ATP2B2: variants seen among roughly 807,000 people sequenced by gnomAD.
ATP2B2 encodes the protein plasma membrane calcium-transporting ATPase 2.
ATP2B2 carries 15 observed loss-of-function variants against 120.0 expected under a neutral mutation model. The observed-to-expected ratio is 0.12, with a 90% CI of 0.08 to 0.19. The LOEUF (loss-of-function observed/expected upper bound fraction) is 0.19, where lower values mean the gene tolerates loss of function less well. ATP2B2 is among the 10% of genes least tolerant of loss of function. The probability of loss-of-function intolerance (pLI) is 1.00; values close to 1 mark genes in which losing one functional copy is unlikely to be tolerated. For synonymous variants in ATP2B2, 694 were observed against 700.3 expected (o/e 0.99, Z 0.14); for missense variants, 1,045 against 1,719.8 (o/e 0.61, Z 6.94).
chr3:10,504,562 ACC>A (rs5846667), intron 1 of ATP2B2, among the ~76,000 whole-genome samples: 20 of 149,172 alleles, frequency 1.3e-4, no homozygotes, highest in African/African-American at 4.7e-4. Context: ...AGTCCAGAGC[ACC>A]CCCCCAACCC....
At chr3:10,605,369 C>G (rs537663438) in intron 2 of ATP2B2, among the ~76,000 whole-genome samples, 1 of 152,302 alleles carries the variant, frequency 6.6e-6, no homozygotes, top group African/African-American at 2.4e-5. Context: ...GAGGCTGGAG[C>G]CCAGGGTCTG....
chr3:10,637,902 A>C (rs188414140), intron 1 of ATP2B2, among the ~76,000 whole-genome samples: 1 of 151,542 alleles, frequency 6.6e-6, no homozygotes, highest in Non-Finnish European at 1.5e-5. Context: ...AGCAGCCAGA[A>C]AAAAAAAAGC....
At position 10,622,810 on chromosome 3, in the gene ATP2B2, A is replaced by T. The variant is rs543543621; in HGVS notation, c.-459-2849T>A. On this transcript the variant is annotated intron_variant, in intron 1 of 21. Coordinates refer to the ATP2B2 transcript ENST00000646379. Reference sequence around the variant, plus strand: ...AGAAGAGCAGGATGCCCGTGGGATTATCCATGACTCAGGTGGGCCTAATTT... The same window carrying T: ...AGAAGAGCAGGATGCCCGTGGGATTTTCCATGACTCAGGTGGGCCTAATTT... Among the ~76,000 whole-genome samples, 4 of 152,336 alleles carry T rather than the reference A, an allele frequency of 2.6e-5. No homozygotes were observed. The East Asian group carries it at 7.7e-4, about 29-fold the overall frequency.
intron 1 of ATP2B2, among the ~76,000 whole-genome samples, chr3:10,690,169 C>A (rs1197121370): frequency 6.6e-6 from 1 of 152,240 alleles, no homozygotes; most frequent in Non-Finnish European, 1.5e-5. Flanking sequence ...AAAGCCACAG[C>A]TACAACTTTG....
rs573683986 is a variant in ATP2B2, at chr3:10,668,080, C to T, written c.-460+39835G>A. 4.6e-5 allele frequency among the ~76,000 whole-genome samples: 7 copies of T among 152,334 alleles called. No individual in the cohort carries two copies. The East Asian group carries it at 1.3e-3, about 29-fold the overall frequency. On this transcript the variant is annotated intron_variant, in intron 1 of 21. Coordinates refer to the ATP2B2 transcript ENST00000646379. ...CCTGGCTTCCGACCTCCTGGTGCCG[C>T]GTGACCTTAGGCACATGGCCTGTGG...
At chr3:10,385,361 G>T in intron 7 of ATP2B2, 34 bp from the exon 8 acceptor site, 1 of 1,597,264 alleles carries the variant, frequency 6.3e-7, no homozygotes, top group Non-Finnish European at 8.6e-7. Context: ...AAAATGCAGT[G>T]TCACAATGGA....
intron 2 of ATP2B2, among the ~76,000 whole-genome samples, chr3:10,590,329 G>T (rs763487505): frequency 6.6e-6 from 1 of 152,238 alleles, no homozygotes; most frequent in Non-Finnish European, 1.5e-5. Flanking sequence ...ACTGCTCTGT[G>T]CCTTGATTAG....
At chr3:10,555,246 C>A (rs1365032694) in intron 2 of ATP2B2, among the ~76,000 whole-genome samples, 1 of 152,264 alleles carries the variant, frequency 6.6e-6, no homozygotes, top group African/African-American at 2.4e-5. Context: ...CTGTGTTTCA[C>A]AGCAACTGGC....
At chr3:10,492,071 T>C (rs1406568984) in intron 1 of ATP2B2, among the ~76,000 whole-genome samples, 1 of 152,256 alleles carries the variant, frequency 6.6e-6, no homozygotes, top group African/African-American at 2.4e-5. Context: ...ATTCCATTTG[T>C]TGCGACAAGC....
chr3:10,607,590 A>G lies in ATP2B2; in HGVS notation c.-415+12327T>C, dbSNP rs1362441280. On this transcript the variant is annotated intron_variant, in intron 2 of 21. Coordinates refer to the ATP2B2 transcript ENST00000646379. ...TTTCTAGGGTAGGCTCTGCACAACC[A>G]ACCTGCTCAGTGGCATTGCCATTCA... 2.0e-5 allele frequency among the ~76,000 whole-genome samples: 3 copies of G among 152,292 alleles called. No individual in the cohort carries two copies. The East Asian group carries it at 5.8e-4, about 29-fold the overall frequency.
At chr3:10,668,210 C>A (rs2070997370) in intron 1 of ATP2B2, among the ~76,000 whole-genome samples, 1 of 152,248 alleles carries the variant, frequency 6.6e-6, no homozygotes, top group Non-Finnish European at 1.5e-5. Context: ...TGCTTCTGTG[C>A]ATTTGATCCC....
chr3:10,445,964 C>G (rs1469803868), intron 2 of ATP2B2, among the ~76,000 whole-genome samples: 3 of 152,210 alleles, frequency 2.0e-5, no homozygotes, highest in African/African-American at 7.2e-5. Context: ...GGAAGTGTCC[C>G]TTGGCCCCAC....
At chr3:10,616,432 A>G (rs1389896948) in intron 2 of ATP2B2, among the ~76,000 whole-genome samples, 1 of 152,208 alleles carries the variant, frequency 6.6e-6, no homozygotes. Context: ...TCTATCCTCT[A>G]GAACTGTGAG....
At chr3:10,706,312 G>T (rs2071895475) in intron 1 of ATP2B2, among the ~76,000 whole-genome samples, 1 of 152,232 alleles carries the variant, frequency 6.6e-6, no homozygotes, top group South Asian at 2.1e-4. Flanking sequence ...AGATGGAGGA[G>T]GACTGAAGAT....
At chr3:10,684,108 G>A (rs1575621224) in intron 1 of ATP2B2, among the ~76,000 whole-genome samples, 1 of 152,066 alleles carries the variant, frequency 6.6e-6, no homozygotes, top group Non-Finnish European at 1.5e-5. Flanking sequence ...TCATGGGTGG[G>A]CAAGTGACCC....
At chr3:10,517,198 T>C (rs977784068) in intron 3 of ATP2B2, among the ~76,000 whole-genome samples, 1 of 152,202 alleles carries the variant, frequency 6.6e-6, no homozygotes, top group Non-Finnish European at 1.5e-5. Flanking sequence ...GCCCTGGAAC[T>C]CCTAACCAGG....
At chr3:10,495,016 T>A (rs117336008) in intron 1 of ATP2B2, among the ~76,000 whole-genome samples, 2 of 152,302 alleles carry the variant, frequency 1.3e-5, no homozygotes, top group East Asian at 1.9e-4. Flanking sequence ...CTTCCCCAAA[T>A]GTGGAGCCAG....
Position 10,350,526 on chromosome 3 carries a change from C to A in ATP2B2, c.2188G>T (p.Val730Phe). ...CQRAGITVRM[V>F]TGDNINTARA... is the part of the protein sequence containing the mutation. ...GCCGTGTTGATATTGTCGCCAGTGA[C>A]CATGCGGACCGTGATGCCTGCCCGC... The change falls in exon 15 of 23, where the codon GTC becomes TTC. Residue 730 changes from valine to phenylalanine, a missense_variant. Physicochemically the swap from Val to Phe is conservative, Grantham distance 50. Transcript: ENST00000360273. The A allele has an allele frequency of 6.2e-7, 1 of 1,614,142 alleles. No individual in the cohort carries two copies. The highest frequency in any genetic ancestry group is 1.1e-5 in the South Asian group (1 of 91,088).
At chr3:10,484,883 T>A (rs1169865002) in intron 1 of ATP2B2, among the ~76,000 whole-genome samples, 1 of 152,252 alleles carries the variant, frequency 6.6e-6, no homozygotes, top group East Asian at 1.9e-4. Flanking sequence ...CGCAGATTCC[T>A]TCACAGTGCT....
Sources: gnomAD v4.1 joint callset for allele counts (sites outside exome capture counted in the v4.1 genomes callset) on GRCh38, gnomAD v4.1.1 for gene constraint, MANE v1.5 for transcripts, NCBI Gene and HGNC (gene_info 2026-07-23, HGNC 2026-07-21) for gene names.